ACYP2: variants seen among roughly 807,000 people sequenced by gnomAD.
ACYP2 encodes acylphosphatase 2, also known as acylphosphatase-2.
In ACYP2, 12 loss-of-function variants were observed where a neutral mutation model predicts 11.2. That is an observed-to-expected ratio of 1.08 (90% confidence interval 0.69 to 1.74). The LOEUF is 1.74. Among genes scored for constraint, ACYP2 ranks in the 40% most tolerant of loss-of-function variants. ACYP2 has a pLI of 0.00. For missense variants in ACYP2, 134 were observed against 101.9 expected, an observed-to-expected ratio of 1.31 and a Z score of -1.35; for synonymous variants, 43 against 32.2, an observed-to-expected ratio of 1.33 and a Z score of -1.13.
In ACYP2 at chr2:54,076,359, A is replaced by G. The variant is rs987614128; in HGVS notation, c.277+18999A>G. 3.9e-5 allele frequency among the ~76,000 whole-genome samples: 6 copies of G among 152,218 alleles called. No homozygotes were observed. In the South Asian group the frequency reaches 6.2e-4, roughly 16 times the overall value. ...ACACAATTAGCAATTTAAAAATAGCATATCTAGTCTGATTTCCTTATTTTG... is the reference window on the plus strand; with the variant it reads ...ACACAATTAGCAATTTAAAAATAGCGTATCTAGTCTGATTTCCTTATTTTG... On this transcript the variant is annotated intron_variant, in intron 4 of 6. Transcript: ENST00000607452.
At chr2:54,128,621 C>T (rs1448129794) in intron 4 of ACYP2, among the ~76,000 whole-genome samples, 2 of 152,108 alleles carry the variant, frequency 1.3e-5, no homozygotes, top group East Asian at 3.9e-4. Flanking sequence ...GAGCTATGAT[C>T]ACACCACTGC....
chr2:54,254,566 C>T (rs1161354291), intron 6 of ACYP2: 1 of 229,946 alleles, frequency 4.3e-6, no homozygotes, highest in Non-Finnish European at 8.5e-6. Flanking sequence ...TTCTTAGACA[C>T]AGCTAGAAAT....
intron 4 of ACYP2, among the ~76,000 whole-genome samples, chr2:54,120,169 T>TC (rs1335772341): frequency 6.6e-6 from 1 of 152,160 alleles, no homozygotes; most frequent in African/African-American, 2.4e-5. Flanking sequence ...CTCTTTTTTT[T>TC]CTCTCTCTCT....
At chr2:54,177,069 T>A (rs531906569) in intron 6 of ACYP2, among the ~76,000 whole-genome samples, 2 of 152,360 alleles carry the variant, frequency 1.3e-5, no homozygotes, top group South Asian at 4.1e-4. Flanking sequence ...GATTTGGGAT[T>A]ATAATACTTT....
intron 6 of ACYP2, among the ~76,000 whole-genome samples, chr2:54,250,743 A>G (rs2104007196): frequency 6.6e-6 from 1 of 152,366 alleles, no homozygotes; most frequent in African/African-American, 2.4e-5. Context: ...TTATCACCCA[A>G]ATACATTGCT....
chr2:54,018,938 G>A (rs1488151003), intron 2 of ACYP2, among the ~76,000 whole-genome samples: 1 of 151,992 alleles, frequency 6.6e-6, no homozygotes, highest in Non-Finnish European at 1.5e-5. Flanking sequence ...CGAAGAGATG[G>A]GGTTTCACTA....
At chr2:54,187,445 G>A (rs17045575) in intron 6 of ACYP2, among the ~76,000 whole-genome samples, 7,711 of 152,226 alleles carry the variant, frequency 0.051, 300 homozygotes, top group African/African-American at 0.1. Flanking sequence ...CTGAGACTAC[G>A]TCCAGGGATT....
At chr2:54,084,218 A>G (rs562197364) in intron 4 of ACYP2, among the ~76,000 whole-genome samples, 2 of 152,348 alleles carry the variant, frequency 1.3e-5, no homozygotes, top group African/African-American at 4.8e-5. Flanking sequence ...TTCAAAGCCT[A>G]GAGAAGGTAT....
chr2:54,235,524 G>C (rs1686436747), intron 6 of ACYP2, among the ~76,000 whole-genome samples: 1 of 151,952 alleles, frequency 6.6e-6, no homozygotes. Flanking sequence ...AAATTTTTTT[G>C]TATTTTTAGT....
At chr2:53,989,717 A>T (rs1337622114) in intron 2 of ACYP2, among the ~76,000 whole-genome samples, 1 of 152,190 alleles carries the variant, frequency 6.6e-6, no homozygotes, top group Non-Finnish European at 1.5e-5. Flanking sequence ...CAATGCCAAG[A>T]TGAAGGGATG....
intron 3 of ACYP2, among the ~76,000 whole-genome samples, chr2:54,055,277 C>A (rs1676080225): frequency 1.3e-5 from 2 of 152,144 alleles, no homozygotes; most frequent in South Asian, 4.1e-4. Flanking sequence ...CCTCAGAGAT[C>A]CACCTGCCTT....
At chr2:54,253,193 T>C (rs1687315726) in intron 6 of ACYP2, 1 of 152,244 alleles carries the variant, frequency 6.6e-6, no homozygotes, top group Admixed American at 6.5e-5. Context: ...AAATATTTTG[T>C]AGTTTATTTA....
At chr2:54,157,251 TA>T (rs1474814994) in intron 6 of ACYP2, among the ~76,000 whole-genome samples, 2 of 152,136 alleles carry the variant, frequency 1.3e-5, no homozygotes, top group African/African-American at 4.8e-5. Context: ...CTTATTATTT[TA>T]AAAAAACCTA....
chr2:54,177,725 G>C (rs527862179), intron 6 of ACYP2, among the ~76,000 whole-genome samples: 2 of 151,016 alleles, frequency 1.3e-5, no homozygotes, highest in African/African-American at 4.9e-5. Flanking sequence ...CTACAGGCAC[G>C]CACCACCATG....
At chr2:54,237,915 A>C (rs979615967) in intron 6 of ACYP2, among the ~76,000 whole-genome samples, 1 of 152,000 alleles carries the variant, frequency 6.6e-6, no homozygotes, top group African/African-American at 2.4e-5. Flanking sequence ...CCGGCAACCT[A>C]TCTGACCCCA....
intron 6 of ACYP2, among the ~76,000 whole-genome samples, chr2:54,180,717 G>C (rs1341022163): frequency 6.6e-6 from 1 of 151,980 alleles, no homozygotes; most frequent in African/African-American, 2.4e-5. Flanking sequence ...ACCATGCCAG[G>C]CTAATTTTTG....
intron 6 of ACYP2, among the ~76,000 whole-genome samples, chr2:54,244,130 C>G (rs1403589270): frequency 1.3e-5 from 2 of 152,020 alleles, no homozygotes; most frequent in Non-Finnish European, 2.9e-5. Context: ...TTATTAAAAA[C>G]ACCTCTCCAG....
At chr2:54,140,980 C>G (rs917501920) in intron 6 of ACYP2, among the ~76,000 whole-genome samples, 4 of 152,130 alleles carry the variant, frequency 2.6e-5, no homozygotes, top group African/African-American at 9.7e-5. Context: ...GTATTGTACT[C>G]TCTAATTTTT....
At chr2:54,282,236 A>C (rs1290228317) in intron 6 of ACYP2, among the ~76,000 whole-genome samples, 13 of 152,350 alleles carry the variant, frequency 8.5e-5, no homozygotes, top group Admixed American at 5.9e-4. Flanking sequence ...ACACTCCTGT[A>C]TCTGTTAGGG....
Sources: gnomAD v4.1 joint callset for allele counts (sites outside exome capture counted in the v4.1 genomes callset) on GRCh38, gnomAD v4.1.1 for gene constraint, MANE v1.5 for transcripts, NCBI Gene and HGNC (gene_info 2026-07-23, HGNC 2026-07-21) for gene names.